The following ATF1 variants were observed in gnomAD, a reference collection of about 807,000 sequenced individuals.
ATF1 encodes the protein cyclic AMP-dependent transcription factor ATF-1.
A neutral mutation model predicts 34.7 loss-of-function variants in ATF1; 16 were observed. The observed-to-expected ratio is 0.46, with a 90% CI of 0.31 to 0.70. ATF1 has a LOEUF of 0.70. Ranked by LOEUF, ATF1 falls within the 30% of genes least tolerant of loss-of-function variation. ATF1 has a pLI of 0.05. For synonymous variants in ATF1, 105 were observed against 113.1 expected (o/e 0.93, Z 0.46); for missense variants, 255 against 321.6 (o/e 0.79, Z 1.58).
chr12:50,815,650 C>G (rs770223708), intron 6 of ATF1, among the ~76,000 whole-genome samples: 84 of 151,944 alleles, frequency 5.5e-4, no homozygotes, highest in Admixed American at 2.6e-3. Flanking sequence ...CTCAGCCTCC[C>G]AAAGTGCTGG....
chr12:50,777,860 A>T (rs1445517055), intron 1 of ATF1, among the ~76,000 whole-genome samples: 1 of 152,136 alleles, frequency 6.6e-6, no homozygotes, highest in African/African-American at 2.4e-5. Context: ...TATTAATTCA[A>T]TGAAGCCTGG....
chr12:50,798,795 GTC>G (rs1178294995), intron 3 of ATF1, among the ~76,000 whole-genome samples: 1 of 152,126 alleles, frequency 6.6e-6, no homozygotes, highest in Non-Finnish European at 1.5e-5. Context: ...AAACAATACA[GTC>G]AACTCAATAA....
intron 1 of ATF1, among the ~76,000 whole-genome samples, chr12:50,771,747 C>T (rs1723692797): frequency 6.6e-6 from 1 of 152,142 alleles, no homozygotes; most frequent in African/African-American, 2.4e-5. Context: ...AAATACAGGT[C>T]ATAAAGACCT....
intron 3 of ATF1, among the ~76,000 whole-genome samples, chr12:50,804,473 C>G (rs1443366564): frequency 1.3e-5 from 2 of 152,056 alleles, no homozygotes; most frequent in Non-Finnish European, 2.9e-5. Context: ...TTGTATGAGC[C>G]CAGGAGTTCA....
chr12:50,765,090 C>T (rs1940599055), intron 1 of ATF1, among the ~76,000 whole-genome samples: 1 of 152,138 alleles, frequency 6.6e-6, no homozygotes, highest in African/African-American at 2.4e-5. Flanking sequence ...GAAATAATGT[C>T]TGGTTGTGGC....
chr12:50,783,107 G>A (rs1042690474), intron 2 of ATF1, among the ~76,000 whole-genome samples: 2 of 152,096 alleles, frequency 1.3e-5, no homozygotes, highest in Non-Finnish European at 2.9e-5. Flanking sequence ...GTATGGTAAC[G>A]TGTAATGGAT....
chr12:50,780,322 G>T, intron 2 of ATF1, 84 bp downstream of exon 2: 4 of 1,247,848 alleles, frequency 3.2e-6, no homozygotes, highest in African/African-American at 1.6e-5. Flanking sequence ...GATTATTAAT[G>T]TGTTTTATTT....
At chr12:50,800,441 T>TTCC (rs1282617698) in intron 3 of ATF1, among the ~76,000 whole-genome samples, 1 of 152,108 alleles carries the variant, frequency 6.6e-6, no homozygotes, top group Non-Finnish European at 1.5e-5. Context: ...TAATGGACAG[T>TTCC]TCCTCTCCTA....
chr12:50,807,135 C>T (rs1043488587), intron 3 of ATF1, among the ~76,000 whole-genome samples: 6 of 152,174 alleles, frequency 3.9e-5, no homozygotes, highest in Non-Finnish European at 7.3e-5. Flanking sequence ...AAATTTCTTG[C>T]TGTGACTCAT....
intron 2 of ATF1, among the ~76,000 whole-genome samples, chr12:50,785,277 A>G (rs933397260): frequency 1.6e-4 from 21 of 129,010 alleles, no homozygotes; most frequent in Non-Finnish European, 3.1e-4. Context: ...AAAATTATAT[A>G]TATACATACA....
At chr12:50,804,544 G>A (rs976694766) in intron 3 of ATF1, among the ~76,000 whole-genome samples, 6 of 152,136 alleles carry the variant, frequency 3.9e-5, no homozygotes, top group African/African-American at 1.4e-4. Flanking sequence ...TTAGCCAGGC[G>A]TGGTGATGTG....
intron 1 of ATF1, among the ~76,000 whole-genome samples, chr12:50,777,793 A>AAT (rs397797041): frequency 6.6e-6 from 1 of 151,100 alleles, no homozygotes; most frequent in Non-Finnish European, 1.5e-5. Context: ...AAAAAAAAAA[A>AAT]TGTTTTCTGA....
intron 2 of ATF1, among the ~76,000 whole-genome samples, chr12:50,785,506 T>C (rs939632576): frequency 8.5e-5 from 13 of 152,132 alleles, no homozygotes; most frequent in Non-Finnish European, 8.8e-5. Context: ...ACCACAAAGC[T>C]AATAGCTTAA....
Position 50,768,886 on chromosome 12 carries a change from G to A in ATF1, c.-7+4579G>A, listed in dbSNP as rs189403625. ...ATTGTTCAATTTACCCTACCTTAAA[G>A]CCATTAGATTCTAGATAAGGCCTGG... On this transcript the variant is annotated intron_variant, in intron 1 of 6. Coordinates refer to ENST00000262053, the MANE Select transcript of ATF1 (RefSeq NM_005171.5). Among the ~76,000 whole-genome samples the A allele has an allele frequency of 2.0e-5, 3 of 152,242 alleles. No individual in the cohort carries two copies. The East Asian group carries it at 5.8e-4, about 29-fold the overall frequency.
intron 2 of ATF1, among the ~76,000 whole-genome samples, chr12:50,780,507 G>T (rs10876089): frequency 0.23 from 35,448 of 151,246 alleles, 4,900 homozygotes; most frequent in East Asian, 0.4. Flanking sequence ...ACCACGCCTG[G>T]CTATTTTTTG....
chr12:50,801,775 A>T (rs1247952776), intron 3 of ATF1, among the ~76,000 whole-genome samples: 1 of 152,254 alleles, frequency 6.6e-6, no homozygotes, highest in Admixed American at 6.5e-5. Context: ...TTACCATTTC[A>T]TGATAAAACT....
In ATF1 at chr12:50,778,423, C is replaced by G. The variant is rs561969892; in HGVS notation, c.-6-1717C>G. Among the ~76,000 whole-genome samples, 561 of 151,800 alleles carry G rather than the reference C, an allele frequency of 3.7e-3. 2 individuals are homozygous for G. Among genetic ancestry groups the G allele is most frequent in the Non-Finnish European group, 6.3e-3 (428 of 67,930 alleles). On this transcript the variant is annotated intron_variant, in intron 1 of 6. Coordinates refer to ENST00000262053, the MANE Select transcript of ATF1 (RefSeq NM_005171.5). ...TATTTTTAGTAGAGACATGGTTTCA[C>G]CATGTTGGCCAGGATGGTCTCGATC...
intron 3 of ATF1, among the ~76,000 whole-genome samples, chr12:50,803,668 A>G (rs1941559310): frequency 6.6e-6 from 1 of 152,200 alleles, no homozygotes; most frequent in Non-Finnish European, 1.5e-5. Flanking sequence ...AGCATTGTTT[A>G]TAATAGCCAA....
chr12:50,797,196 T>A (rs751544388), intron 3 of ATF1, among the ~76,000 whole-genome samples: 7 of 152,142 alleles, frequency 4.6e-5, no homozygotes, highest in Non-Finnish European at 1.0e-4. Context: ...CAGCTTCTAG[T>A]CTCTCCAGGA....
Sources: allele counts gnomAD v4.1 joint callset (sites outside exome capture counted in the v4.1 genomes callset), GRCh38; gene constraint gnomAD v4.1.1; transcripts MANE v1.5; gene names NCBI Gene and HGNC (gene_info 2026-07-23, HGNC 2026-07-21).